Variants in TBC1D22A observed in about 807,000 individuals in gnomAD.
TBC1D22A encodes TBC1 domain family member 22A, also known as putative GTPase activator.
In TBC1D22A, 38 loss-of-function variants were observed where a neutral mutation model predicts 60.2. The ratio of observed to expected loss-of-function variants is 0.63; its 90% confidence interval spans 0.49 to 0.83. The LOEUF (loss-of-function observed/expected upper bound fraction) is 0.83. TBC1D22A is among the 40% of genes least tolerant of loss of function. The pLI, the probability that TBC1D22A is intolerant of heterozygous loss-of-function variation, is 0.00. For synonymous variants in TBC1D22A, 302 were observed against 281.7 expected (o/e 1.07, Z -0.72); for missense variants, 628 against 701.0 (o/e 0.90, Z 1.18).
intron 1 of TBC1D22A, among the ~76,000 whole-genome samples, chr22:46,773,473 A>G (rs920107077): frequency 6.6e-6 from 1 of 151,398 alleles, no homozygotes; most frequent in Admixed American, 6.6e-5. Context: ...ACTTATTTTT[A>G]TTTTTTTTGG....
At chr22:47,061,589 G>A (rs1046923616) in intron 11 of TBC1D22A, among the ~76,000 whole-genome samples, 11 of 152,100 alleles carry the variant, frequency 7.2e-5, no homozygotes, top group African/African-American at 2.7e-4. Context: ...GCAGCGTTTT[G>A]TTTTGTCTCT....
At chr22:46,805,906 G>T (rs113594286) in intron 4 of TBC1D22A, among the ~76,000 whole-genome samples, 2,707 of 151,236 alleles carry the variant, frequency 0.018, 79 homozygotes, top group African/African-American at 0.063. Context: ...AGACTGGAGT[G>T]CAGTGGCTTC....
At chr22:46,900,154 T>C (rs569356635) in intron 7 of TBC1D22A, among the ~76,000 whole-genome samples, 1 of 151,910 alleles carries the variant, frequency 6.6e-6, no homozygotes, top group East Asian at 1.9e-4. Flanking sequence ...CTGTGGTTTT[T>C]TTTTTTTTTT....
At chr22:46,812,441 G>A (rs925409796) in intron 4 of TBC1D22A, among the ~76,000 whole-genome samples, 2 of 152,200 alleles carry the variant, frequency 1.3e-5, no homozygotes, top group Non-Finnish European at 2.9e-5. Context: ...CCAGATGTGA[G>A]GCTGGCATTT....
At chr22:47,160,135 C>A (rs1038492587) in intron 12 of TBC1D22A, among the ~76,000 whole-genome samples, 1 of 152,236 alleles carries the variant, frequency 6.6e-6, no homozygotes, top group South Asian at 2.1e-4. Context: ...TTGGTTTCCC[C>A]GCCGCTCCTT....
intron 4 of TBC1D22A, among the ~76,000 whole-genome samples, chr22:46,856,756 G>C (rs936902953): frequency 3.7e-4 from 56 of 152,304 alleles, no homozygotes; most frequent in African/African-American, 1.1e-3. Context: ...TTTCCTGTCA[G>C]CAACAAATGG....
chr22:46,793,348 T>C (rs1849805565), intron 2 of TBC1D22A, among the ~76,000 whole-genome samples, 153 bp from the exon 3 acceptor site: 1 of 152,266 alleles, frequency 6.6e-6, no homozygotes, highest in Non-Finnish European at 1.5e-5. Context: ...TTCTTTTGGC[T>C]GTCTCTGTGA....
chr22:47,074,702 GT>G (rs1325814711), intron 11 of TBC1D22A, among the ~76,000 whole-genome samples: 1 of 152,200 alleles, frequency 6.6e-6, no homozygotes, highest in Admixed American at 6.5e-5. Flanking sequence ...TGTTCTGTCG[GT>G]TCTGTGAGGG....
At chr22:46,817,124 T>A (rs77302311) in intron 4 of TBC1D22A, among the ~76,000 whole-genome samples, 1 of 151,976 alleles carries the variant, frequency 6.6e-6, no homozygotes, top group African/African-American at 2.4e-5. Flanking sequence ...TGGCTTAAAA[T>A]TTTTTTTTCC....
At chr22:47,160,301 C>T (rs2067926960) in intron 12 of TBC1D22A, among the ~76,000 whole-genome samples, 1 of 152,214 alleles carries the variant, frequency 6.6e-6, no homozygotes, top group African/African-American at 2.4e-5. Context: ...GCAGAGTTCT[C>T]AGGTTCCGTG....
At chr22:46,812,027 A>G (rs1233997347) in intron 4 of TBC1D22A, among the ~76,000 whole-genome samples, 1 of 152,042 alleles carries the variant, frequency 6.6e-6, no homozygotes, top group Non-Finnish European at 1.5e-5. Flanking sequence ...AGGTCTGGAA[A>G]TCTTTGTTCT....
intron 4 of TBC1D22A, among the ~76,000 whole-genome samples, chr22:46,833,278 T>A (rs2086386381): frequency 6.6e-6 from 1 of 152,254 alleles, no homozygotes. Context: ...AAGCTTAAGT[T>A]GTTTGGACTG....
At chr22:46,976,080 T>TAATGTAAAACTTTATAAATTTCA (rs1385786282) in intron 9 of TBC1D22A, among the ~76,000 whole-genome samples, 3 of 152,254 alleles carry the variant, frequency 2.0e-5, no homozygotes, top group Non-Finnish European at 4.4e-5. Context: ...GATTGAATCA[T>TAATGTAAAACTTTATAAATTTCA]AATGTAAAAC....
chr22:47,073,882 C>G (rs1159344175), intron 11 of TBC1D22A, among the ~76,000 whole-genome samples: 2 of 152,282 alleles, frequency 1.3e-5, no homozygotes, highest in East Asian at 1.9e-4. Flanking sequence ...AATCTCAGCA[C>G]TTTGGAAGGT....
In TBC1D22A at chr22:46,793,725, A is replaced by T. The variant is rs769624699; in HGVS notation, c.344A>T (p.Gln115Leu). 1.2e-6 allele frequency: 2 copies of T among 1,609,820 alleles called. No individual in the cohort carries two copies. The highest frequency in any genetic ancestry group is 1.7e-6 in the Non-Finnish European group (2 of 1,178,884). ...CAGCGGCAGGGGCGGCCCACGCTGCAGGAGGGGCCAGGGCTTCAGCAGAAG... is the reference window on the plus strand; with the variant it reads ...CAGCGGCAGGGGCGGCCCACGCTGCTGGAGGGGCCAGGGCTTCAGCAGAAG... ...HSQRQGRPTLQEGPGLQQKPR... is the reference protein window; with the variant it reads ...HSQRQGRPTLLEGPGLQQKPR... The change falls in exon 3 of 13, where the codon CAG becomes CTG. Residue 115 changes from glutamine (Q) to leucine (L), a missense_variant. Coordinates refer to ENST00000337137, the MANE Select transcript of TBC1D22A (RefSeq NM_014346.5).
chr22:46,979,492 G>A (rs527465092), intron 9 of TBC1D22A, among the ~76,000 whole-genome samples: 25 of 152,332 alleles, frequency 1.6e-4, no homozygotes, highest in Middle Eastern at 3.4e-3. Flanking sequence ...TGAAGCCAGC[G>A]CACCAAGTGC....
At chr22:47,052,100 A>G (rs2063243609) in intron 11 of TBC1D22A, among the ~76,000 whole-genome samples, 1 of 152,216 alleles carries the variant, frequency 6.6e-6, no homozygotes, top group Non-Finnish European at 1.5e-5. Context: ...AGGTGTCCGC[A>G]GGTCCTCTGT....
chr22:46,806,458 A>T (rs1041757615), intron 4 of TBC1D22A, among the ~76,000 whole-genome samples: 2 of 150,992 alleles, frequency 1.3e-5, no homozygotes, highest in Admixed American at 1.3e-4. Context: ...TTGTTTTAAG[A>T]TGGTTTAAAT....
rs939701922 is a variant in TBC1D22A at position 47,173,713 on chromosome 22, C to T, written c.*87C>T. The T allele has an allele frequency of 1.1e-5, 18 of 1,586,304 alleles. No homozygotes were observed. The highest frequency in any genetic ancestry group is 6.7e-5 in the East Asian group (3 of 44,488). The stretch of plus-strand genomic sequence containing the variant: ...GTGGTAGGCCCCTGTGAGCTGGTCC[C>T]GGGCTGCTAAAAGGCCTTGTGAGGT... On this transcript the variant is annotated 3_prime_UTR_variant, in exon 13 of 13. Coordinates refer to ENST00000337137, the MANE Select transcript of TBC1D22A (RefSeq NM_014346.5).
Sources: gnomAD v4.1 joint callset for allele counts (sites outside exome capture counted in the v4.1 genomes callset) on GRCh38, gnomAD v4.1.1 for gene constraint, MANE v1.5 for transcripts, NCBI Gene and HGNC (gene_info 2026-07-23, HGNC 2026-07-21) for gene names.